The following MICAL2 variants were observed in gnomAD, a reference collection of about 807,000 sequenced individuals.
MICAL2 encodes [F-actin]-monooxygenase MICAL2.
A neutral mutation model predicts 127.3 loss-of-function variants in MICAL2; 77 were observed. The observed-to-expected ratio is 0.60, with a 90% CI of 0.50 to 0.73. The LOEUF is 0.73. Ranked by LOEUF, MICAL2 falls within the 30% of genes least tolerant of loss-of-function variation. The probability of loss-of-function intolerance (pLI) is 0.00; values close to 1 mark genes in which losing one functional copy is unlikely to be tolerated. For missense variants in MICAL2, 1,351 were observed against 1,434.4 expected (o/e 0.94, Z 0.94); for synonymous variants, 570 against 551.1 (o/e 1.03, Z -0.48).
intron 32 of MICAL2, chr11:12,327,298 G>A (rs1361740267): frequency 1.3e-6 from 2 of 1,528,402 alleles, no homozygotes; most frequent in Non-Finnish European, 1.8e-6. Context: ...GGAGCAGTGG[G>A]CATGGTCTGA....
At chr11:12,260,881 G>A (rs1281914906) in intron 26 of MICAL2, 2 of 985,354 alleles carry the variant, frequency 2.0e-6, no homozygotes, top group East Asian at 1.1e-4. Flanking sequence ...GAACCGTGGG[G>A]TTTCAACAGA....
chr11:12,218,455 ACT>A (rs751346707), intron 8 of MICAL2, among the ~76,000 whole-genome samples: 25 of 151,518 alleles, frequency 1.6e-4, no homozygotes, highest in Non-Finnish European at 2.9e-4. Flanking sequence ...CTAGGTCCCC[ACT>A]CTCCTGCATG....
intron 2 of MICAL2, among the ~76,000 whole-genome samples, chr11:12,281,502 C>A (rs147890189): frequency 0.013 from 2,044 of 152,266 alleles, 25 homozygotes; most frequent in Non-Finnish European, 0.02. Context: ...TGCTGTTGGA[C>A]AACATGCAGC....
At chr11:12,163,143 C>T (rs984145155) in intron 3 of MICAL2, among the ~76,000 whole-genome samples, 2 of 152,134 alleles carry the variant, frequency 1.3e-5, no homozygotes, top group Non-Finnish European at 2.9e-5. Flanking sequence ...TGGTTGCATC[C>T]CCCATCATTT....
chr11:12,140,765 G>A (rs139301236), intron 2 of MICAL2, among the ~76,000 whole-genome samples: 27 of 152,314 alleles, frequency 1.8e-4, no homozygotes, highest in African/African-American at 6.5e-4. Context: ...AGATCCTACT[G>A]TTTGTTGTCA....
downstream of MICAL2, among the ~76,000 whole-genome samples, chr11:12,361,695 C>T (rs1213596003): frequency 6.6e-6 from 1 of 152,132 alleles, no homozygotes; most frequent in African/African-American, 2.4e-5. Flanking sequence ...CCCTGATGAG[C>T]TGCAATGAAA....
intron 22 of MICAL2, among the ~76,000 whole-genome samples, chr11:12,250,707 C>T (rs564626403): frequency 6.6e-6 from 1 of 152,066 alleles, no homozygotes; most frequent in South Asian, 2.1e-4. Context: ...CAAAAGCAGT[C>T]CCATGGGACT....
At chr11:12,188,323 A>C (rs1021775244) in intron 3 of MICAL2, among the ~76,000 whole-genome samples, 1 of 152,244 alleles carries the variant, frequency 6.6e-6, no homozygotes, top group African/African-American at 2.4e-5. Context: ...CAGAAAATTT[A>C]AAATTGCACG....
downstream of MICAL2, among the ~76,000 whole-genome samples, chr11:12,266,507 T>A (rs146114614): frequency 7.6e-3 from 1,153 of 152,298 alleles, 13 homozygotes; most frequent in African/African-American, 0.026. Context: ...CAGCCAGCTG[T>A]TATATAGGGA....
intron 24 of MICAL2, among the ~76,000 whole-genome samples, chr11:12,270,182 C>T (rs1050746572): frequency 3.3e-5 from 5 of 152,208 alleles, no homozygotes; most frequent in African/African-American, 1.2e-4. Context: ...GGCCCTCCCT[C>T]ATCCTGCTGG....
At chr11:12,245,752 G>C (rs143170275) in intron 21 of MICAL2, among the ~76,000 whole-genome samples, 53 of 152,392 alleles carry the variant, frequency 3.5e-4, no homozygotes, top group African/African-American at 1.2e-3. Flanking sequence ...AGCAACATGG[G>C]TGGAGACAGG....
rs1850967526 is a variant in MICAL2 at position 12,126,878 on chromosome 11, A to AG, written c.-148-11509dup. Among the ~76,000 whole-genome samples the AG allele has an allele frequency of 2.0e-5, 3 of 152,118 alleles. No individual in the cohort carries two copies. The South Asian group carries it at 6.2e-4, about 32-fold the overall frequency. On this transcript the variant is annotated intron_variant, in intron 1 of 27. Transcript: ENST00000683283. ...GAGGGCCTGGAAAGCTTCCTGGAGG[A>AG]GGGAGCAGAGGTGGCGGCAGCAGCA...
downstream of MICAL2, among the ~76,000 whole-genome samples, chr11:12,295,120 T>C (rs953771550): frequency 5.4e-5 from 8 of 147,428 alleles, no homozygotes; most frequent in African/African-American, 2.0e-4. Context: ...TATTTTTTAC[T>C]AAGTTGTACA....
intron 33 of MICAL2, among the ~76,000 whole-genome samples, chr11:12,351,786 A>G (rs1399213807): frequency 6.6e-6 from 1 of 151,282 alleles, no homozygotes; most frequent in African/African-American, 2.4e-5. Context: ...TTGTTGTATT[A>G]TAACTTTTTT....
At chr11:12,134,290 A>C (rs555850388) in intron 1 of MICAL2, among the ~76,000 whole-genome samples, 1 of 152,276 alleles carries the variant, frequency 6.6e-6, no homozygotes, top group South Asian at 2.1e-4. Context: ...AGTTGTTTTA[A>C]ATAGCTATCT....
In MICAL2 at chr11:12,220,298, A is replaced by G. The variant is rs572295834; in HGVS notation, c.1046A>G (p.Tyr349Cys). The change falls in exon 9 of 28, where the codon TAC (tyrosine) becomes TGC (cysteine). Residue 349 changes from tyrosine to cysteine, a missense_variant. Around this residue, in one of 2 missense-constraint regions of MICAL2, gnomAD observed 599 missense variants for 714.9 expected, o/e 0.84. Coordinates refer to ENST00000683283, the MANE Select transcript of MICAL2 (RefSeq NM_001282663.2). ...AREAADFATN[Y>C]QLPSLDFAMN... ...GAAGCTGCAGACTTTGCCACCAACT[A>G]CCAGCTGCCATCCTTAGACTTTGCC... 1.9e-6 allele frequency: 3 copies of G among 1,614,188 alleles called. No individual in the cohort carries two copies. The East Asian group carries it at 6.7e-5, about 36-fold the overall frequency.
intron 3 of MICAL2, among the ~76,000 whole-genome samples, chr11:12,190,362 A>G (rs1235498126): frequency 6.6e-6 from 1 of 152,202 alleles, no homozygotes; most frequent in African/African-American, 2.4e-5. Context: ...TCCAACCCCC[A>G]GAAGATGGAT....
chr11:12,192,662 C>T (rs1859354139), intron 3 of MICAL2, among the ~76,000 whole-genome samples: 1 of 152,098 alleles, frequency 6.6e-6, no homozygotes, highest in South Asian at 2.1e-4. Context: ...CCTGTAATCC[C>T]AGCTACTTGG....
chr11:12,257,646 C>T (rs547797169), intron 24 of MICAL2, among the ~76,000 whole-genome samples: 52 of 152,314 alleles, frequency 3.4e-4, no homozygotes, highest in African/African-American at 1.2e-3. Context: ...CTTCGTCCCC[C>T]AGTTTCCTCA....
Sources: allele counts gnomAD v4.1 joint callset (sites outside exome capture counted in the v4.1 genomes callset), GRCh38; gene constraint gnomAD v4.1.1; regional missense constraint gnomAD v4.1.1; transcripts MANE v1.5; gene names NCBI Gene and HGNC (gene_info 2026-07-23, HGNC 2026-07-21).